Variants in FIG4 observed in about 807,000 individuals in gnomAD.
FIG4 encodes the protein FIG4 phosphoinositide 5-phosphatase.
Under a neutral mutation model 118.6 loss-of-function variants are expected in FIG4, and 112 were observed. The ratio of observed to expected loss-of-function variants is 0.94; its 90% CI spans 0.81 to 1.11. The LOEUF (loss-of-function observed/expected upper bound fraction) is 1.11. Among genes scored for constraint, FIG4 ranks in the 50% least tolerant of loss-of-function variants. The pLI, the probability that FIG4 is intolerant of heterozygous loss-of-function variation, is 0.00. For synonymous variants in FIG4, 369 were observed against 381.2 expected, an observed-to-expected ratio of 0.97 and a Z score of 0.37; for missense variants, 969 against 1,111.7, an observed-to-expected ratio of 0.87 and a Z score of 1.83.
intron 22 of FIG4, among the ~76,000 whole-genome samples, chr6:109,804,081 G>A (rs1778500790): frequency 6.6e-6 from 1 of 152,054 alleles, no homozygotes; most frequent in Non-Finnish European, 1.5e-5. Flanking sequence ...AAGACTTTAT[G>A]GTTTTTAATG....
intron 18 of FIG4, 143 bp downstream of exon 18, chr6:109,786,592 G>T: frequency 1.2e-6 from 1 of 828,418 alleles, no homozygotes. Context: ...CTCCTGTGAT[G>T]GGGAGCCCAC....
At chr6:109,797,978 A>G (rs1401248937) in intron 22 of FIG4, among the ~76,000 whole-genome samples, 2 of 151,436 alleles carry the variant, frequency 1.3e-5, no homozygotes, top group Non-Finnish European at 2.9e-5. Flanking sequence ...TGTCTGGCAT[A>G]CACTTGACAT....
At chr6:109,779,310 A>G (rs999329504) in intron 16 of FIG4, among the ~76,000 whole-genome samples, 2 of 152,212 alleles carry the variant, frequency 1.3e-5, no homozygotes, top group African/African-American at 4.8e-5. Flanking sequence ...GCTATGTATT[A>G]AAAGCATAAT....
chr6:109,790,651 T>G (rs1308741785), intron 19 of FIG4, among the ~76,000 whole-genome samples: 1 of 152,212 alleles, frequency 6.6e-6, no homozygotes. Flanking sequence ...TATTTTTAGC[T>G]CCTTATAGAG....
chr6:109,784,887 C>A, intron 16 of FIG4, 83 bp from the exon 17 acceptor site: 2 of 711,382 alleles, frequency 2.8e-6, no homozygotes, highest in Non-Finnish European at 4.8e-6. Flanking sequence ...TACTATAGAC[C>A]ATATAAATTA....
At chr6:109,699,065 G>T (rs1159208856) in intron 1 of FIG4, among the ~76,000 whole-genome samples, 3 of 152,158 alleles carry the variant, frequency 2.0e-5, no homozygotes, top group Non-Finnish European at 4.4e-5. Flanking sequence ...TTCAATGTTT[G>T]CTAGGATTCA....
intron 4 of FIG4, among the ~76,000 whole-genome samples, chr6:109,730,026 T>A (rs1449299464): frequency 4.6e-5 from 7 of 151,982 alleles, no homozygotes; most frequent in African/African-American, 1.7e-4. Flanking sequence ...CTTGAAGATG[T>A]TAGTTTTCTC....
chr6:109,711,378 G>A (rs961246390), intron 1 of FIG4, among the ~76,000 whole-genome samples: 4 of 152,044 alleles, frequency 2.6e-5, no homozygotes, highest in Non-Finnish European at 4.4e-5. Flanking sequence ...CAGGCTGGGC[G>A]ACAGAGCAAG....
intron 4 of FIG4, among the ~76,000 whole-genome samples, chr6:109,730,512 A>T (rs774533533): frequency 1.3e-5 from 2 of 152,222 alleles, no homozygotes; most frequent in Non-Finnish European, 2.9e-5. Flanking sequence ...AGATGGTAAG[A>T]CCTATAATAA....
At chr6:109,791,715 A>G in intron 20 of FIG4, 144 bp downstream of exon 20, 4 of 728,670 alleles carry the variant, frequency 5.5e-6, no homozygotes, top group Non-Finnish European at 9.6e-6. Flanking sequence ...AGATGAATAC[A>G]TTTAGCATTT....
chr6:109,766,950 A>G lies in FIG4; in HGVS notation c.1750+55A>G, dbSNP rs193177142. ...ACTTACTCTGAAGTGCATTTTTTGT[A>G]TGTCTTTTAAAGCTATCTGGCTAAG... is the stretch of plus-strand genomic sequence containing the variant. On this transcript the variant is annotated intron_variant, in intron 15 of 22. Transcript: ENST00000230124. The G allele has an allele frequency of 6.8e-5, 99 of 1,446,534 alleles. No homozygotes were observed. The East Asian group carries it at 2.2e-3, about 32-fold the overall frequency. The allele number at this position is 1,446,534 out of a possible 1,614,324, so 89.6% of individuals were successfully genotyped here. A position where few individuals can be genotyped will look rare whatever the true frequency, so the allele number is the denominator to read the frequency against.
intron 10 of FIG4, among the ~76,000 whole-genome samples, chr6:109,757,526 G>A (rs1283648596): frequency 1.3e-5 from 2 of 152,174 alleles, no homozygotes; most frequent in African/African-American, 4.8e-5. Context: ...GGCAAAAGCT[G>A]GAAGCATTCC....
intron 4 of FIG4, among the ~76,000 whole-genome samples, chr6:109,731,521 T>C (rs1776000498): frequency 6.6e-6 from 1 of 152,190 alleles, no homozygotes; most frequent in Non-Finnish European, 1.5e-5. Flanking sequence ...CTCTGTGAAT[T>C]CAACCAACCA....
intron 22 of FIG4, among the ~76,000 whole-genome samples, chr6:109,824,381 G>A (rs1779097675): frequency 1.3e-5 from 2 of 152,044 alleles, no homozygotes; most frequent in African/African-American, 4.8e-5. Context: ...ATGTCCAATA[G>A]TTAGACACAT....
At chr6:109,703,708 C>T (rs529496606) in intron 1 of FIG4, among the ~76,000 whole-genome samples, 4 of 152,204 alleles carry the variant, frequency 2.6e-5, no homozygotes, top group Non-Finnish European at 5.9e-5. Flanking sequence ...GTCCCTGAGA[C>T]TGCCCACAGA....
chr6:109,718,981 C>T (rs895145027), intron 3 of FIG4, among the ~76,000 whole-genome samples: 7 of 149,784 alleles, frequency 4.7e-5, no homozygotes, highest in East Asian at 2.0e-4. Context: ...TGCAGTGGCG[C>T]GACCTTGGCT....
At chr6:109,790,962 A>G (rs1341444085) in intron 19 of FIG4, among the ~76,000 whole-genome samples, 1 of 152,142 alleles carries the variant, frequency 6.6e-6, no homozygotes, top group Non-Finnish European at 1.5e-5. Flanking sequence ...GCGGGAGAGA[A>G]ATATACATAG....
At position 109,738,403 on chromosome 6, in the gene FIG4, T is replaced by C. The variant is rs1394499105; in HGVS notation, c.725T>C (p.Val242Ala). Residue 242 changes from valine (V) to alanine (A), a missense_variant, in exon 7 of 23, where the codon GTG (valine) becomes GCG (alanine). Transcript: ENST00000230124. ...GELLDIIKST[V>A]HRDWLLYIIH... ...CTTCTGGATATAATTAAAAGTACTG[T>C]GCATCGTGACTGGCTTTTGTATATT... The C allele has an allele frequency of 1.2e-6, 2 of 1,612,504 alleles. No homozygotes were observed. The highest frequency in any genetic ancestry group is 1.3e-5 in the African/African-American group (1 of 74,846).
At chr6:109,699,122 A>G (rs557409624) in intron 1 of FIG4, among the ~76,000 whole-genome samples, 59 of 152,348 alleles carry the variant, frequency 3.9e-4, no homozygotes, top group African/African-American at 1.4e-3. Context: ...GTGAATTTTG[A>G]TAATGATATC....
Sources: gnomAD v4.1 joint callset for allele counts (sites outside exome capture counted in the v4.1 genomes callset) on GRCh38, gnomAD v4.1.1 for gene constraint, MANE v1.5 for transcripts, NCBI Gene and HGNC (gene_info 2026-07-23, HGNC 2026-07-21) for gene names.